Variants in PACC1 observed in about 807,000 individuals in gnomAD.
The protein encoded by PACC1 is proton-activated chloride channel.
Under a neutral mutation model 39.7 loss-of-function variants are expected in PACC1, and 34 were observed. The ratio of observed to expected loss-of-function variants is 0.86; its 90% CI spans 0.65 to 1.14. PACC1 has a LOEUF of 1.14. PACC1 is among the 50% of genes most tolerant of loss of function. The pLI is 0.00. For missense variants in PACC1, 379 were observed against 436.4 expected (o/e 0.87, Z 1.17); for synonymous variants, 127 against 160.6 (o/e 0.79, Z 1.58).
At position 212,365,331 on chromosome 1, in the gene PACC1, C is replaced by A. The variant is rs200795875; in HGVS notation, c.937G>T (p.Ala313Ser). The A allele has an allele frequency of 2.5e-6, 4 of 1,613,042 alleles. No individual in the cohort carries two copies. The highest frequency in any genetic ancestry group is 3.4e-6 in the Non-Finnish European group (4 of 1,179,726). Reference protein sequence around the residue: ...PWNTIALLCGAFLALFKAAEF... With the variant: ...PWNTIALLCGSFLALFKAAEF... ...GCTGCTTTAAATAATGCCAAGAAGG[C>A]GCCACAGAGAAGAGCAATTGTGTTC... Residue 313 changes from alanine (A) to serine (S), a missense_variant, in exon 8 of 8, where the codon GCC becomes TCC. Transcript: ENST00000261455.
chr1:212,365,516 C>T lies in PACC1; in HGVS notation c.892-140G>A, dbSNP rs937854833. Reference sequence around the variant, plus strand: ...CGCAATCTCGGCTCAGTGCAAGCTCCGCTTCCTGGGTTCAAGCAATTCTCC... The same window carrying T: ...CGCAATCTCGGCTCAGTGCAAGCTCTGCTTCCTGGGTTCAAGCAATTCTCC... On this transcript the variant is annotated intron_variant, in intron 7 of 7. Coordinates refer to ENST00000261455, the MANE Select transcript of PACC1 (RefSeq NM_018252.3). 6.2e-5 allele frequency: 53 copies of T among 858,590 alleles called. No individual in the cohort carries two copies. The East Asian group carries it at 1.3e-3, about 21-fold the overall frequency. 53.2% of individuals were successfully genotyped at this position (858,590 alleles called of 1,614,324 possible).
chr1:212,391,255 C>T (rs368586392), intron 2 of PACC1, among the ~76,000 whole-genome samples: 10 of 152,288 alleles, frequency 6.6e-5, no homozygotes, highest in Middle Eastern at 3.4e-3. Flanking sequence ...TCCAGAGGAA[C>T]GATCAGACAG....
At chr1:212,384,708 C>T (rs566842895) in intron 4 of PACC1, among the ~76,000 whole-genome samples, 7 of 152,224 alleles carry the variant, frequency 4.6e-5, no homozygotes, top group Non-Finnish European at 8.8e-5. Context: ...GCCACTCCTC[C>T]AGGGCGCTCC....
At chr1:212,395,682 T>G (rs1661487429) in intron 2 of PACC1, among the ~76,000 whole-genome samples, 1 of 151,954 alleles carries the variant, frequency 6.6e-6, no homozygotes, top group Non-Finnish European at 1.5e-5. Flanking sequence ...TTTTGCAATC[T>G]ACTCATCTGA....
At chr1:212,409,952 T>A (rs901828528) in intron 2 of PACC1, among the ~76,000 whole-genome samples, 5 of 152,134 alleles carry the variant, frequency 3.3e-5, no homozygotes, top group African/African-American at 9.7e-5. Context: ...GGGAGCAGCG[T>A]GTATCCGGGC....
Position 212,379,987 on chromosome 1 carries a change from C to T in PACC1, c.546G>A (p.Leu182=), listed in dbSNP as rs778926106. The T allele has an allele frequency of 3.1e-6, 5 of 1,614,092 alleles. No homozygotes were observed. The highest frequency in any genetic ancestry group is 4.2e-6 in the Non-Finnish European group (5 of 1,180,042). ...TGTTCAGGCGGAACTGGAGGAAGAC[C>T]AGCTCCCGCTTTTTCACTTCCCGGG... The part of the protein sequence containing the change: ...QGPREVKKRE[L]VFLQFRLNKS... Residue 182 remains leucine, a synonymous_variant, in exon 5 of 8, where the codon CTG becomes CTA. Transcript: ENST00000261455.
intron 4 of PACC1, among the ~76,000 whole-genome samples, chr1:212,381,696 CACA>C (rs1338537683): frequency 6.0e-5 from 1 of 16,714 alleles, no homozygotes; most frequent in Non-Finnish European, 1.5e-4. Flanking sequence ...ACACACACTG[CACA>C]CACACACACA....
chr1:212,382,273 G>A (rs1248256603), intron 4 of PACC1, among the ~76,000 whole-genome samples: 1 of 148,856 alleles, frequency 6.7e-6, no homozygotes, highest in Non-Finnish European at 1.5e-5. Context: ...TCGATCTCCT[G>A]ACCTCGTGAT....
At chr1:212,382,506 T>C (rs1660941337) in intron 4 of PACC1, among the ~76,000 whole-genome samples, 1 of 152,088 alleles carries the variant, frequency 6.6e-6, no homozygotes, top group Admixed American at 6.6e-5. Flanking sequence ...ATAACTACCA[T>C]TAAATTGAGA....
chr1:212,371,073 CA>C (rs562739938), intron 7 of PACC1, among the ~76,000 whole-genome samples: 86 of 151,696 alleles, frequency 5.7e-4, no homozygotes, highest in African/African-American at 2.0e-3. Flanking sequence ...TGGTGAAACC[CA>C]TCTCTACTAA....
intron 2 of PACC1, among the ~76,000 whole-genome samples, chr1:212,406,105 C>CAAAAAA (rs58332482): frequency 9.0e-5 from 5 of 55,650 alleles, no homozygotes; most frequent in East Asian, 7.0e-4. Context: ...TCCCACCCCA[C>CAAAAAA]AAAAAAAAAA....
At chr1:212,381,668 ATGTGCACAGACACACACACACACAC>A (rs1660884104) in intron 4 of PACC1, among the ~76,000 whole-genome samples, 1 of 135,278 alleles carries the variant, frequency 7.4e-6, no homozygotes, top group Non-Finnish European at 1.6e-5. Context: ...AGGCCTGGGC[ATGTGCACAGACACACACACACACAC>A]TGCACACACA....
At chr1:212,366,811 T>C (rs1660262071) in intron 7 of PACC1, among the ~76,000 whole-genome samples, 1 of 152,152 alleles carries the variant, frequency 6.6e-6, no homozygotes, top group Non-Finnish European at 1.5e-5. Context: ...CCTCTGCACA[T>C]CCCTCTTCAT....
At chr1:212,399,439 G>A (rs1001946929) in intron 2 of PACC1, among the ~76,000 whole-genome samples, 2 of 151,974 alleles carry the variant, frequency 1.3e-5, no homozygotes, top group Non-Finnish European at 2.9e-5. Flanking sequence ...ATATAACTTC[G>A]TAACAAGTAG....
chr1:212,378,116 A>T (rs561999460), intron 5 of PACC1, among the ~76,000 whole-genome samples: 1 of 152,184 alleles, frequency 6.6e-6, no homozygotes, highest in South Asian at 2.1e-4. Flanking sequence ...GGAAGCCCTC[A>T]CCAGCCTGTC....
At chr1:212,365,416 TTCA>T in intron 7 of PACC1, 40 bp from the exon 8 acceptor site, 1 of 1,528,816 alleles carries the variant, frequency 6.5e-7, no homozygotes, top group Non-Finnish European at 8.8e-7. Flanking sequence ...ACTGGTTTGC[TTCA>T]GTCTTGATTC....
chr1:212,411,706 C>T (rs976422668), intron 1 of PACC1, among the ~76,000 whole-genome samples: 2 of 152,152 alleles, frequency 1.3e-5, no homozygotes, highest in African/African-American at 4.8e-5. Context: ...TAGACATTTT[C>T]ATTAAAAACT....
At chr1:212,411,323 G>A (rs1662120705) in intron 1 of PACC1, among the ~76,000 whole-genome samples, 1 of 152,194 alleles carries the variant, frequency 6.6e-6, no homozygotes, top group Admixed American at 6.5e-5. Flanking sequence ...GGTGGTGTCA[G>A]AGCTCTCTCT....
chr1:212,376,850 T>C (rs1660682451), intron 6 of PACC1: 1 of 152,172 alleles, frequency 6.6e-6, no homozygotes, highest in Non-Finnish European at 1.5e-5. Context: ...TTGACTGGAG[T>C]GTGTCCTTCT....
Sources: gnomAD v4.1 joint callset for allele counts (sites outside exome capture counted in the v4.1 genomes callset) on GRCh38, gnomAD v4.1.1 for gene constraint, MANE v1.5 for transcripts, NCBI Gene and HGNC (gene_info 2026-07-23, HGNC 2026-07-21) for gene names.